Variants in RALYL observed in about 807,000 individuals in gnomAD.
The protein encoded by RALYL is RALY RNA binding protein like, also known as RNA-binding Raly-like protein.
In RALYL, 29 loss-of-function variants were observed where a neutral mutation model predicts 35.1. The observed-to-expected ratio is 0.83, with a 90% CI of 0.61 to 1.13. The LOEUF is 1.13. RALYL is among the 50% of genes most tolerant of loss of function. The pLI is 0.00. For synonymous variants in RALYL, 120 were observed against 127.6 expected (o/e 0.94, Z 0.40); for missense variants, 359 against 360.4 (o/e 1.00, Z 0.03).
intron 2 of RALYL, among the ~76,000 whole-genome samples, chr8:84,712,818 C>CTT (rs1842405339): frequency 1.0e-5 from 1 of 98,318 alleles, no homozygotes; most frequent in Non-Finnish European, 2.5e-5. Flanking sequence ...CAACAAGACA[C>CTT]TTAGGAAAAT....
chr8:84,304,128 T>C (rs1841342967), intron 1 of RALYL, among the ~76,000 whole-genome samples: 1 of 152,110 alleles, frequency 6.6e-6, no homozygotes, highest in Non-Finnish European at 1.5e-5. Context: ...TATTTATTTA[T>C]TTATTTTTAG....
chr8:84,555,496 T>C (rs1164248771), intron 2 of RALYL, among the ~76,000 whole-genome samples: 1 of 152,210 alleles, frequency 6.6e-6, no homozygotes, highest in African/African-American at 2.4e-5. Flanking sequence ...CTCTTTAGGC[T>C]GTTTCATGCC....
At position 84,424,567 on chromosome 8, in the gene RALYL, A is replaced by T. The variant is rs375548537; in HGVS notation, c.-23-104732A>T. ...TCTCAGCTCGTCAAAGTCATTCTCCATCCAGCTTTGTTCTGTTGCTGGTGA... is the reference window on the plus strand; with the variant it reads ...TCTCAGCTCGTCAAAGTCATTCTCCTTCCAGCTTTGTTCTGTTGCTGGTGA... On this transcript the variant is annotated intron_variant, in intron 1 of 8. Coordinates refer to ENST00000521268, the MANE Select transcript of RALYL (RefSeq NM_173848.7). 3.3e-5 allele frequency among the ~76,000 whole-genome samples: 5 copies of T among 151,312 alleles called. No individual in the cohort carries two copies. In the South Asian group the frequency reaches 1.0e-3, roughly 31 times the overall value.
At chr8:84,348,300 G>A (rs182100888) in intron 1 of RALYL, among the ~76,000 whole-genome samples, 2 of 152,226 alleles carry the variant, frequency 1.3e-5, no homozygotes, top group Admixed American at 1.3e-4. Flanking sequence ...CTGTCAAAAG[G>A]TATGGATTTT....
At chr8:84,775,856 GT>G (rs1816726605) in intron 3 of RALYL, among the ~76,000 whole-genome samples, 1 of 152,186 alleles carries the variant, frequency 6.6e-6, no homozygotes, top group Non-Finnish European at 1.5e-5. Flanking sequence ...CCCACTTCAT[GT>G]GCTTTTGCCA....
At chr8:84,841,438 C>T (rs1266934869) in intron 4 of RALYL, among the ~76,000 whole-genome samples, 1 of 151,918 alleles carries the variant, frequency 6.6e-6, no homozygotes, top group Non-Finnish European at 1.5e-5. Context: ...TATATATGCA[C>T]CCAATACAGG....
At position 84,637,299 on chromosome 8, in the gene RALYL, G is replaced by A. The variant is rs113627885; in HGVS notation, c.256+107722G>A. 8.3e-3 allele frequency among the ~76,000 whole-genome samples: 1,256 copies of A among 151,924 alleles called. 15 individuals are homozygous for A. The highest frequency in any genetic ancestry group is 0.028 in the African/African-American group (1,165 of 41,488). On this transcript the variant is annotated intron_variant, in intron 2 of 8. Coordinates refer to ENST00000521268, the MANE Select transcript of RALYL (RefSeq NM_173848.7). ...TGTTTTCAGGTATTTAAGGAAATGAGGAGTTAGATTTGAAACTATTGCAGT... is the reference window on the plus strand; with the variant it reads ...TGTTTTCAGGTATTTAAGGAAATGAAGAGTTAGATTTGAAACTATTGCAGT...
Position 84,766,743 on chromosome 8 carries a change from A to AG in RALYL, c.257-7836_257-7835insG, listed in dbSNP as rs1814166564. 3.4e-5 allele frequency among the ~76,000 whole-genome samples: 5 copies of AG among 149,182 alleles called. No homozygotes were observed. In the South Asian group the frequency reaches 1.0e-3, roughly 31 times the overall value. ...CTCAAAAAAAAAAAAAAAAAAAAAA[A>AG]AAAAACTCCCAAAACATTGTTCTGA... On this transcript the variant is annotated intron_variant, in intron 2 of 8. Coordinates refer to ENST00000521268, the MANE Select transcript of RALYL (RefSeq NM_173848.7).
chr8:84,325,601 T>G (rs5009142), intron 1 of RALYL, among the ~76,000 whole-genome samples: 63 of 152,328 alleles, frequency 4.1e-4, no homozygotes, highest in Non-Finnish European at 7.5e-4. Context: ...TGACAACTGA[T>G]AAATTTGTAC....
intron 2 of RALYL, among the ~76,000 whole-genome samples, chr8:84,609,845 T>C (rs996795317): frequency 1.1e-4 from 17 of 152,154 alleles, no homozygotes; most frequent in African/African-American, 4.1e-4. Context: ...CAGTTCCACG[T>C]GGCTGGGGAA....
chr8:84,426,434 C>CTGTGTGTGTGTGTG (rs1310031203), intron 1 of RALYL, among the ~76,000 whole-genome samples: 2 of 64,634 alleles, frequency 3.1e-5, no homozygotes, highest in Admixed American at 3.8e-4. Flanking sequence ...TTCTCTCTCT[C>CTGTGTGTGTGTGTG]TCTCTGTGTG....
intron 1 of RALYL, among the ~76,000 whole-genome samples, chr8:84,206,550 G>T (rs1476635811): frequency 6.6e-6 from 1 of 152,162 alleles, no homozygotes; most frequent in Non-Finnish European, 1.5e-5. Context: ...AGGACAATAT[G>T]AATTCCGTTT....
At chr8:84,675,402 A>G (rs144754082) in intron 2 of RALYL, among the ~76,000 whole-genome samples, 143 of 152,272 alleles carry the variant, frequency 9.4e-4, no homozygotes, top group African/African-American at 3.2e-3. Context: ...AGAGGCTTAC[A>G]AATGGCTCCT....
At chr8:84,906,936 T>C in intron 8 of RALYL, 3 of 985,048 alleles carry the variant, frequency 3.0e-6, no homozygotes, top group Non-Finnish European at 3.6e-6. Flanking sequence ...AGAATGTCTC[T>C]GAATATGGAA....
At chr8:84,914,000 G>A (rs554790142) in intron 8 of RALYL, among the ~76,000 whole-genome samples, 275 of 152,014 alleles carry the variant, frequency 1.8e-3, no homozygotes, top group Non-Finnish European at 1.6e-3. Context: ...TTAAACAACC[G>A]TGACAACCTT....
intron 1 of RALYL, among the ~76,000 whole-genome samples, chr8:84,469,608 C>T (rs1320246090): frequency 1.3e-5 from 2 of 152,162 alleles, no homozygotes; most frequent in Non-Finnish European, 2.9e-5. Context: ...TTGTGCCCTG[C>T]CCCCAGAGGT....
At chr8:84,498,957 G>GAA (rs2056377588) in intron 1 of RALYL, among the ~76,000 whole-genome samples, 1 of 151,966 alleles carries the variant, frequency 6.6e-6, no homozygotes, top group Non-Finnish European at 1.5e-5. Context: ...GGAAATAAAG[G>GAA]AAAAAGTGAT....
At chr8:84,494,734 T>G (rs1188916647) in intron 1 of RALYL, among the ~76,000 whole-genome samples, 1 of 152,180 alleles carries the variant, frequency 6.6e-6, no homozygotes, top group Non-Finnish European at 1.5e-5. Flanking sequence ...TTGTAACTTT[T>G]GCACATTGAT....
At chr8:84,873,731 A>AT (rs1411155448) in intron 7 of RALYL, among the ~76,000 whole-genome samples, 1 of 152,196 alleles carries the variant, frequency 6.6e-6, no homozygotes, top group Non-Finnish European at 1.5e-5. Flanking sequence ...GAATAATGCT[A>AT]TCAGGCTAAC....
Sources: gnomAD v4.1 joint callset for allele counts (sites outside exome capture counted in the v4.1 genomes callset) on GRCh38, gnomAD v4.1.1 for gene constraint, MANE v1.5 for transcripts, NCBI Gene and HGNC (gene_info 2026-07-23, HGNC 2026-07-21) for gene names.